NFASC: variants seen among roughly 807,000 people sequenced by gnomAD.
NFASC encodes neurofascin homolog.
NFASC carries 43 observed loss-of-function variants against 147.5 expected under a neutral mutation model. The ratio of observed to expected loss-of-function variants is 0.29; its 90% CI spans 0.23 to 0.38. The LOEUF is 0.38. NFASC is among the 10% of genes least tolerant of loss of function. The pLI, the probability that NFASC is intolerant of heterozygous loss-of-function variation, is 1.00. For synonymous variants in NFASC, 622 were observed against 665.5 expected (o/e 0.93, Z 1.01); for missense variants, 1,320 against 1,689.0 (o/e 0.78, Z 3.83).
At position 205,016,288 on chromosome 1, in the gene NFASC, C is replaced by A. The variant is rs374727306; in HGVS notation, c.3492-20C>A. ...GCCCCATCTCACCCCACCTGAGATT[C>A]TCTGTCTCTCTTTGGCCAGTGATGA... On this transcript the variant is annotated intron_variant, in intron 29 of 29. Transcript: ENST00000339876. This position sits in a 1 kb window ranked among gnomAD's most constrained non-coding sequence, Gnocchi z 5.1. 21 of 1,568,390 alleles carry A rather than the reference C, an allele frequency of 1.3e-5. No individual in the cohort carries two copies. Among genetic ancestry groups the A allele is most frequent in the South Asian group, 1.3e-4 (12 of 90,136 alleles).
chr1:204,841,088 A>G (rs1473854109), intron 1 of NFASC, among the ~76,000 whole-genome samples: 2 of 152,216 alleles, frequency 1.3e-5, no homozygotes, highest in African/African-American at 4.8e-5. Context: ...TTGGGGTCTC[A>G]CTATGTGTGC....
intron 28 of NFASC, among the ~76,000 whole-genome samples, chr1:205,011,625 C>G (rs1421371292): frequency 6.6e-6 from 1 of 152,226 alleles, no homozygotes; most frequent in Non-Finnish European, 1.5e-5. Flanking sequence ...AGCCCCTGGT[C>G]CCTTAAAAAG....
intron 1 of NFASC, among the ~76,000 whole-genome samples, chr1:204,877,023 TATATAATATATATTTATATATATATAA>T (rs2079021343): frequency 3.0e-5 from 3 of 101,650 alleles, no homozygotes; most frequent in African/African-American, 1.1e-4. Flanking sequence ...TATATATATA[TATATAATATATATTTATATATATATAA>T]TATATTTATT....
chr1:204,847,916 A>G (rs1166123683), intron 1 of NFASC, among the ~76,000 whole-genome samples: 1 of 152,346 alleles, frequency 6.6e-6, no homozygotes, highest in South Asian at 2.1e-4. Flanking sequence ...GTTCAAGGAC[A>G]TTAGTCACAG....
intron 27 of NFASC, chr1:205,009,222 C>T (rs1379422635): frequency 1.5e-5 from 6 of 412,226 alleles, no homozygotes; most frequent in Non-Finnish European, 2.8e-5. Context: ...ATCCCTCAGT[C>T]CCCATTAGGC....
chr1:204,911,531 TG>T (rs1320179332), intron 1 of NFASC, among the ~76,000 whole-genome samples: 1 of 152,222 alleles, frequency 6.6e-6, no homozygotes, highest in African/African-American at 2.4e-5. Flanking sequence ...TAAGGATTTT[TG>T]TGTCTATATC....
At chr1:204,888,038 A>C (rs968585534) in intron 1 of NFASC, among the ~76,000 whole-genome samples, 2 of 152,308 alleles carry the variant, frequency 1.3e-5, no homozygotes, top group Non-Finnish European at 2.9e-5. Flanking sequence ...AGGCCTTGTG[A>C]TAAAAGAGAC....
chr1:204,872,419 C>T (rs941059479), intron 1 of NFASC, among the ~76,000 whole-genome samples: 7 of 152,328 alleles, frequency 4.6e-5, no homozygotes, highest in African/African-American at 1.7e-4. Context: ...TTTTTAGAAG[C>T]ATCTGCATGC....
In NFASC at chr1:204,919,722, G is replaced by A. The variant is rs1452141169; in HGVS notation, c.-199-910G>A. On this transcript the variant is annotated intron_variant, in intron 1 of 29. Transcript: ENST00000339876. ...TGGCTCACTATAACCTCTGCCTCCC[G>A]GGTTCAAGCCATTCTCCTGCCTCAG... Among the ~76,000 whole-genome samples, 7 of 152,124 alleles carry A rather than the reference G, an allele frequency of 4.6e-5. No homozygotes were observed. In the South Asian group the frequency reaches 1.0e-3, roughly 23 times the overall value.
At chr1:204,984,204 C>A in intron 21 of NFASC, 1 of 1,042,894 alleles carries the variant, frequency 9.6e-7, no homozygotes, top group East Asian at 2.4e-5. Flanking sequence ...CCAGGGGTAG[C>A]AAATGCGGGC....
At position 204,979,290 on chromosome 1, in the gene NFASC, A is replaced by T. The variant is rs1402610811; in HGVS notation, c.1979-72A>T. The T allele has an allele frequency of 4.2e-5, 52 of 1,251,256 alleles. No individual in the cohort carries two copies. In the East Asian group the frequency reaches 1.1e-3, roughly 27 times the overall value. 77.5% of individuals were successfully genotyped at this position (1,251,256 alleles called of 1,614,324 possible). A position where few individuals can be genotyped will look rare whatever the true frequency, so the allele number is the denominator to read the frequency against. ...ATTATAAAGATCAATGGAAGCCAAG[A>T]AGGAAGTGCTTTTAAAGAAGACCAC... is the stretch of plus-strand genomic sequence containing the variant. On this transcript the variant is annotated intron_variant, in intron 18 of 29. Transcript: ENST00000339876. This position sits in a 1 kb window ranked among gnomAD's most constrained non-coding sequence, Gnocchi z 6.0.
chr1:205,011,941 C>T (rs767009263), intron 28 of NFASC, among the ~76,000 whole-genome samples: 11 of 152,076 alleles, frequency 7.2e-5, no homozygotes, highest in Non-Finnish European at 1.5e-4. Flanking sequence ...GAGCCAGGCG[C>T]GGTGGCAGGC....
chr1:204,974,557 T>C, intron 13 of NFASC, 100 bp from the exon 14 acceptor site: 2 of 1,364,072 alleles, frequency 1.5e-6, no homozygotes, highest in Non-Finnish European at 2.1e-6. Context: ...AGCATGGGGC[T>C]CCTTCCACAG....
At chr1:204,856,382 GGTGTGTGTGTGTGT>G (rs57653534) in intron 1 of NFASC, among the ~76,000 whole-genome samples, 176 of 139,776 alleles carry the variant, frequency 1.3e-3, no homozygotes, top group Non-Finnish European at 2.0e-3. Flanking sequence ...ATGCAGAACA[GGTGTGTGTGTGTGT>G]GTGTGTGTGT....
At chr1:205,007,947 C>T (rs927180607) in intron 27 of NFASC, among the ~76,000 whole-genome samples, 6 of 152,110 alleles carry the variant, frequency 3.9e-5, no homozygotes, top group Non-Finnish European at 7.4e-5. Context: ...CGGGGGCCTG[C>T]TGGGAGCAGG....
At chr1:204,930,513 G>A (rs546759038) in intron 2 of NFASC, among the ~76,000 whole-genome samples, 27 of 152,226 alleles carry the variant, frequency 1.8e-4, no homozygotes, top group African/African-American at 5.8e-4. Flanking sequence ...CTCATCCCAC[G>A]TGTGTTTATT....
At position 204,975,526 on chromosome 1, in the gene NFASC, G is replaced by T; in HGVS notation, c.1706+108G>T. 1 of 1,422,366 alleles carries T rather than the reference G, an allele frequency of 7.0e-7. No individual in the cohort carries two copies. The highest frequency in any genetic ancestry group is 9.7e-7 in the Non-Finnish European group (1 of 1,031,612). 88.1% of individuals were successfully genotyped at this position (1,422,366 alleles called of 1,614,324 possible). ...CACAGGGACAGGGAACCCGTGTCATGCATGTCACCAAGGAGCTTCTGCAGA... is the reference window on the plus strand; with the variant it reads ...CACAGGGACAGGGAACCCGTGTCATTCATGTCACCAAGGAGCTTCTGCAGA... On this transcript the variant is annotated intron_variant, in intron 15 of 29. Transcript: ENST00000339876. The surrounding 1 kb of genome is among the most constrained non-coding windows in gnomAD (Gnocchi z 4.0).
rs1354269350 is a variant in NFASC, at chr1:205,016,267, C to T, written c.3492-41C>T. ...TGTGCTGGCAGGAGGCCAGCTGCCC[C>T]ATCTCACCCCACCTGAGATTCTCTG... On this transcript the variant is annotated intron_variant, in intron 29 of 29. Coordinates refer to ENST00000339876, the MANE Select transcript of NFASC (RefSeq NM_001005388.3). This position sits in a 1 kb window ranked among gnomAD's most constrained non-coding sequence, Gnocchi z 5.1. 3 of 1,419,708 alleles carry T rather than the reference C, an allele frequency of 2.1e-6. No homozygotes were observed. Among genetic ancestry groups the T allele is most frequent in the South Asian group, 1.1e-5 (1 of 87,038 alleles). 87.9% of individuals were successfully genotyped at this position (1,419,708 alleles called of 1,614,324 possible).
Position 204,992,506 on chromosome 1 carries a change from C to T in NFASC, c.2782+1200C>T, listed in dbSNP as rs560334305. On this transcript the variant is annotated intron_variant, in intron 24 of 29. Transcript: ENST00000339876. ...TCATCCTTCCCTCTCTCCCTCAGTCCTCAACATTCACCCACCACCCCAGTG... is the reference window on the plus strand; with the variant it reads ...TCATCCTTCCCTCTCTCCCTCAGTCTTCAACATTCACCCACCACCCCAGTG... Among the ~76,000 whole-genome samples, 28 of 152,298 alleles carry T rather than the reference C, an allele frequency of 1.8e-4. No homozygotes were observed. The Middle Eastern group carries it at 0.01, about 56-fold the overall frequency.
Sources: allele counts gnomAD v4.1 joint callset (sites outside exome capture counted in the v4.1 genomes callset), GRCh38; gene constraint gnomAD v4.1.1; non-coding constraint Gnocchi (gnomAD v3.1); transcripts MANE v1.5; gene names NCBI Gene and HGNC (gene_info 2026-07-23, HGNC 2026-07-21).